The following GNA12 variants were observed in gnomAD, a reference collection of about 807,000 sequenced individuals.
GNA12 encodes G protein subunit alpha 12, also known as guanine nucleotide-binding protein subunit alpha-12.
A neutral mutation model predicts 26.0 loss-of-function variants in GNA12; 9 were observed. The observed-to-expected ratio is 0.35, with a 90% CI of 0.21 to 0.60. GNA12 has a LOEUF of 0.60. Ranked by LOEUF, GNA12 falls within the 20% of genes least tolerant of loss-of-function variation. The pLI, the probability that GNA12 is intolerant of heterozygous loss-of-function variation, is 0.78. For missense variants in GNA12, 405 were observed against 525.8 expected (o/e 0.77, Z 2.25); for synonymous variants, 264 against 219.6 (o/e 1.20, Z -1.79).
chr7:2,736,326 G>C (rs868775159), intron 2 of GNA12, among the ~76,000 whole-genome samples: 2 of 152,118 alleles, frequency 1.3e-5, no homozygotes, highest in African/African-American at 4.8e-5. Context: ...ACTCTCCTTG[G>C]TGTGAAAAAC....
At chr7:2,813,336 A>T (rs1793131234) in intron 1 of GNA12, among the ~76,000 whole-genome samples, 2 of 152,234 alleles carry the variant, frequency 1.3e-5, no homozygotes, top group South Asian at 2.1e-4. Context: ...AAATTATTTT[A>T]AAAAATAGAT....
rs770003194 is a variant in GNA12 at position 2,733,513 on chromosome 7, G to T, written c.526-12C>A. 6.2e-7 allele frequency: 1 copy of T among 1,610,606 alleles called. No individual in the cohort carries two copies. The highest frequency in any genetic ancestry group is 8.5e-7 in the Non-Finnish European group (1 of 1,177,006). On this transcript the variant is annotated splice_polypyrimidine_tract_variant and intron_variant, in intron 2 of 3. Coordinates refer to ENST00000275364, the MANE Select transcript of GNA12 (RefSeq NM_007353.3). Reference sequence around the variant, plus strand: ...TTCACCGACTCCCCCTGTCAGGAAGGAAGAATATTCACAGCTCAGTCTGGA... The same window carrying T: ...TTCACCGACTCCCCCTGTCAGGAAGTAAGAATATTCACAGCTCAGTCTGGA...
rs570503689 is a variant in GNA12 at position 2,823,417 on chromosome 7, G to T, written c.309+20436C>A. Among the ~76,000 whole-genome samples the T allele has an allele frequency of 3.3e-5, 5 of 152,208 alleles. No homozygotes were observed. In the South Asian group the frequency reaches 1.0e-3, roughly 31 times the overall value. On this transcript the variant is annotated intron_variant, in intron 1 of 3. Transcript: ENST00000275364. ...CTTTGACGGCATATGCAGGAGGAGTGCTTGGGGAAGGTAACAGGAACAGAG... is the reference window on the plus strand; with the variant it reads ...CTTTGACGGCATATGCAGGAGGAGTTCTTGGGGAAGGTAACAGGAACAGAG...
At chr7:2,781,502 T>G (rs184322932) in intron 2 of GNA12, among the ~76,000 whole-genome samples, 1 of 151,884 alleles carries the variant, frequency 6.6e-6, no homozygotes, top group Admixed American at 6.6e-5. Flanking sequence ...CTTATCTAAT[T>G]CTGCACCAAC....
intron 1 of GNA12, among the ~76,000 whole-genome samples, chr7:2,802,664 A>C (rs1266202035): frequency 1.3e-5 from 2 of 152,196 alleles, no homozygotes; most frequent in Non-Finnish European, 2.9e-5. Context: ...GGGCAACAGC[A>C]TGTGGACTTG....
intron 1 of GNA12, among the ~76,000 whole-genome samples, chr7:2,843,604 G>T (rs1399176394): frequency 6.6e-6 from 1 of 151,774 alleles, no homozygotes; most frequent in Non-Finnish European, 1.5e-5. Context: ...CTGTGAGGGC[G>T]CCACTGCACT....
rs189931004 is a variant in GNA12 at position 2,769,502 on chromosome 7, C to T, written c.525+25426G>A. Among the ~76,000 whole-genome samples, 280 of 151,684 alleles carry T rather than the reference C, an allele frequency of 1.8e-3. 1 individual carries two copies. The highest frequency in any genetic ancestry group is 3.3e-3 in the Non-Finnish European group (225 of 67,902). ...TCCCAGCACTTTGGGAGGCCGAGGTCGGCGGATCACGAGGTCAGGAGATTG... is the reference window on the plus strand; with the variant it reads ...TCCCAGCACTTTGGGAGGCCGAGGTTGGCGGATCACGAGGTCAGGAGATTG... On this transcript the variant is annotated intron_variant, in intron 2 of 3. Transcript: ENST00000275364.
rs1225841133 is a variant in GNA12 at position 2,730,915 on chromosome 7, G to T, written c.*266C>A. On this transcript the variant is annotated 3_prime_UTR_variant, in exon 4 of 4. Coordinates refer to ENST00000275364, the MANE Select transcript of GNA12 (RefSeq NM_007353.3). ...TCTGTAAAAGCAAAGCAAGCTGTGT[G>T]ATTAGGTGTTCCGTATTCACAACAT... 2 of 443,656 alleles carry T rather than the reference G, an allele frequency of 4.5e-6. No individual in the cohort carries two copies. The highest frequency in any genetic ancestry group is 4.1e-6 in the Non-Finnish European group (1 of 243,978). The allele number at this position is 443,656 out of a possible 1,614,324, so 27.5% of individuals were successfully genotyped here. A position where few individuals can be genotyped will look rare whatever the true frequency, so the allele number is the denominator to read the frequency against.
At chr7:2,770,553 T>C (rs1379569618) in intron 2 of GNA12, among the ~76,000 whole-genome samples, 2 of 152,042 alleles carry the variant, frequency 1.3e-5, no homozygotes, top group African/African-American at 4.8e-5. Context: ...GCCCAGGAGT[T>C]TGAGGATGCA....
chr7:2,796,060 T>C (rs1238021761), intron 1 of GNA12, among the ~76,000 whole-genome samples: 1 of 151,902 alleles, frequency 6.6e-6, no homozygotes, highest in Non-Finnish European at 1.5e-5. Context: ...AGAGGGGGGT[T>C]CCACCATGTT....
intron 2 of GNA12, among the ~76,000 whole-genome samples, chr7:2,749,666 A>G (rs1018272976): frequency 6.6e-6 from 1 of 152,182 alleles, no homozygotes; most frequent in African/African-American, 2.4e-5. Context: ...TATAATAATA[A>G]TAAAATAAAA....
chr7:2,750,300 C>G (rs1020902978), intron 2 of GNA12, among the ~76,000 whole-genome samples: 2 of 152,196 alleles, frequency 1.3e-5, no homozygotes, highest in Non-Finnish European at 2.9e-5. Flanking sequence ...CAGAGGCAGA[C>G]AGGCAAATGC....
At chr7:2,755,751 TA>T (rs928680925) in intron 2 of GNA12, among the ~76,000 whole-genome samples, 8 of 152,222 alleles carry the variant, frequency 5.3e-5, no homozygotes, top group African/African-American at 1.9e-4. Flanking sequence ...CTGCATTGGC[TA>T]AAACAGGAAA....
At chr7:2,796,384 C>T (rs568263001) in intron 1 of GNA12, among the ~76,000 whole-genome samples, 14 of 152,176 alleles carry the variant, frequency 9.2e-5, no homozygotes, top group Non-Finnish European at 1.9e-4. Flanking sequence ...TGTGGTATCA[C>T]CGTCCGCGCC....
At position 2,816,894 on chromosome 7, in the gene GNA12, T is replaced by G. The variant is rs138737972; in HGVS notation, c.310-21751A>C. Among the ~76,000 whole-genome samples, 224 of 152,324 alleles carry G rather than the reference T, an allele frequency of 1.5e-3. 1 individual carries two copies. The highest frequency in any genetic ancestry group is 0.014 in the Middle Eastern group (4 of 294). The stretch of plus-strand genomic sequence containing the variant: ...ATGTGCAATGCACTCCGGTGACTTC[T>G]TACCGCCTCCTCTGCTCCCATCAAG... On this transcript the variant is annotated intron_variant, in intron 1 of 3. Coordinates refer to ENST00000275364, the MANE Select transcript of GNA12 (RefSeq NM_007353.3).
At chr7:2,741,715 GTCA>G (rs979512568) in intron 2 of GNA12, among the ~76,000 whole-genome samples, 4 of 152,008 alleles carry the variant, frequency 2.6e-5, no homozygotes, top group African/African-American at 9.7e-5. Flanking sequence ...TTAAAAATCC[GTCA>G]TCATTTGAGA....
chr7:2,769,652 G>A (rs1053846315), intron 2 of GNA12, among the ~76,000 whole-genome samples: 15 of 152,102 alleles, frequency 9.9e-5, no homozygotes, highest in South Asian at 4.2e-4. Context: ...ACAATGGCAC[G>A]AACCCGGGAG....
intron 2 of GNA12, among the ~76,000 whole-genome samples, chr7:2,733,904 G>C (rs903399408): frequency 6.6e-6 from 1 of 152,184 alleles, no homozygotes; most frequent in African/African-American, 2.4e-5. Context: ...TGCTTCTGTC[G>C]AAGATGGCCT....
chr7:2,784,673 A>G (rs1348140639), intron 2 of GNA12, among the ~76,000 whole-genome samples: 1 of 152,182 alleles, frequency 6.6e-6, no homozygotes, highest in Non-Finnish European at 1.5e-5. Flanking sequence ...AATGAGTGGC[A>G]TGGATGATGA....
Sources: gnomAD v4.1 joint callset for allele counts (sites outside exome capture counted in the v4.1 genomes callset) on GRCh38, gnomAD v4.1.1 for gene constraint, MANE v1.5 for transcripts, NCBI Gene and HGNC (gene_info 2026-07-23, HGNC 2026-07-21) for gene names.